Variants in CAPZB observed in about 807,000 individuals in gnomAD.
The protein encoded by CAPZB is capping actin protein of muscle Z-line subunit beta.
In CAPZB, 2 loss-of-function variants were observed where a neutral mutation model predicts 38.1. The observed-to-expected ratio is 0.05, with a 90% confidence interval of 0.02 to 0.17. The LOEUF (loss-of-function observed/expected upper bound fraction) is 0.17, where lower values mean the gene tolerates loss of function less well. Among genes scored for constraint, CAPZB ranks in the 10% least tolerant of loss-of-function variants. CAPZB has a pLI of 1.00. For synonymous variants in CAPZB, 107 were observed against 127.4 expected (o/e 0.84, Z 1.08); for missense variants, 161 against 334.2 (o/e 0.48, Z 4.04).
chr1:19,358,931 C>A (rs1052448494), intron 4 of CAPZB, among the ~76,000 whole-genome samples: 2 of 152,220 alleles, frequency 1.3e-5, no homozygotes, highest in Admixed American at 1.3e-4. Context: ...AGCTCTAGCA[C>A]GCCCAGCTAT....
At chr1:19,461,536 C>T (rs78070976) in intron 1 of CAPZB, among the ~76,000 whole-genome samples, 2,725 of 152,340 alleles carry the variant, frequency 0.018, 72 homozygotes, top group East Asian at 0.12. Flanking sequence ...CTGGCTTCCA[C>T]GCATGCTTCC....
At chr1:19,417,031 G>A (rs906999865) in intron 2 of CAPZB, among the ~76,000 whole-genome samples, 6 of 152,008 alleles carry the variant, frequency 3.9e-5, no homozygotes, top group Non-Finnish European at 8.8e-5. Flanking sequence ...TGGCTATGGC[G>A]AAAGACAGCT....
At chr1:19,364,511 C>G (rs1424787037) in intron 4 of CAPZB, among the ~76,000 whole-genome samples, 1 of 152,352 alleles carries the variant, frequency 6.6e-6, no homozygotes, top group East Asian at 1.9e-4. Context: ...ACTTCATGCC[C>G]TTTCCTTGCA....
rs571240859 is a variant in CAPZB, at chr1:19,381,266, CCCA to C, written c.216-2616_216-2614del. Among the ~76,000 whole-genome samples the C allele has an allele frequency of 5.5e-4, 83 of 151,688 alleles. No homozygotes were observed. In the East Asian group the frequency reaches 6.6e-3, roughly 12 times the overall value. On this transcript the variant is annotated intron_variant, in intron 3 of 8. Coordinates refer to ENST00000264202, the MANE Select transcript of CAPZB (RefSeq NM_004930.5). ...GCATGAATTCTTGCACCCCCGCCCC[CCCA>C]CCACAACAGAACCAACCACTCCCTC...
chr1:19,471,264 T>C (rs570899506), intron 1 of CAPZB, among the ~76,000 whole-genome samples: 26 of 152,176 alleles, frequency 1.7e-4, no homozygotes, highest in Non-Finnish European at 2.8e-4. Context: ...GGGGGATGAT[T>C]ATACTTGTTC....
intron 6 of CAPZB, among the ~76,000 whole-genome samples, chr1:19,349,314 G>A (rs1034591430): frequency 6.6e-6 from 1 of 152,108 alleles, no homozygotes; most frequent in African/African-American, 2.4e-5. Context: ...GAGTCAGCTC[G>A]GCAGGCAGGG....
chr1:19,339,438 G>T lies in CAPZB; in HGVS notation c.*92C>A, dbSNP rs142737670. On this transcript the variant is annotated 3_prime_UTR_variant, in exon 9 of 9. Coordinates refer to ENST00000264202, the MANE Select transcript of CAPZB (RefSeq NM_004930.5). ...CAGCTGTTATGTGACCTGTCGGGGA[G>T]GGAAGGGACGAGGGAAGGGAGCAGA... 6.9e-4 allele frequency: 621 copies of T among 902,170 alleles called. 1 individual carries two copies. In the African/African-American group the frequency reaches 7.8e-3, roughly 11 times the overall value. 55.9% of individuals were successfully genotyped at this position (902,170 alleles called of 1,614,324 possible). A position where few individuals can be genotyped will look rare whatever the true frequency, so the allele number is the denominator to read the frequency against.
intron 1 of CAPZB, among the ~76,000 whole-genome samples, chr1:19,448,038 G>T (rs563294721): frequency 5.9e-5 from 9 of 152,190 alleles, no homozygotes. Context: ...CCCAGGAGTG[G>T]GTGGAGCTCA....
intron 2 of CAPZB, among the ~76,000 whole-genome samples, chr1:19,416,901 A>G (rs1039754398): frequency 5.5e-5 from 8 of 146,394 alleles, no homozygotes; most frequent in African/African-American, 2.0e-4. Flanking sequence ...ATGCTCTGAC[A>G]GTAATCTATA....
chr1:19,462,742 T>C (rs956344144), intron 1 of CAPZB, among the ~76,000 whole-genome samples: 1 of 152,224 alleles, frequency 6.6e-6, no homozygotes, highest in Non-Finnish European at 1.5e-5. Context: ...AAGAATTCTT[T>C]AAAGAAAAGT....
intron 1 of CAPZB, among the ~76,000 whole-genome samples, chr1:19,471,865 CAAAAAAAAAAA>C (rs59289947): frequency 8.9e-5 from 12 of 134,464 alleles, no homozygotes; most frequent in African/African-American, 3.3e-4. Flanking sequence ...GACTCCGTCT[CAAAAAAAAAAA>C]AAAAAAAAAA....
chr1:19,365,674 AAC>A (rs1360949762), intron 4 of CAPZB, among the ~76,000 whole-genome samples: 4 of 152,244 alleles, frequency 2.6e-5, no homozygotes, highest in East Asian at 3.9e-4. Context: ...CTATTAAAAA[AAC>A]ACACAAAATT....
At chr1:19,378,687 A>G (rs751418649) in intron 3 of CAPZB, 34 bp from the exon 4 acceptor site, 6 of 1,199,504 alleles carry the variant, frequency 5.0e-6, no homozygotes, top group East Asian at 2.3e-5. Flanking sequence ...TATACCATGA[A>G]TCGTTCCATG....
chr1:19,390,692 G>A (rs370052289), intron 2 of CAPZB, among the ~76,000 whole-genome samples: 3 of 152,156 alleles, frequency 2.0e-5, no homozygotes, highest in Non-Finnish European at 4.4e-5. Context: ...AGACGGGTGG[G>A]GAGTGGGTAA....
intron 2 of CAPZB, among the ~76,000 whole-genome samples, chr1:19,414,356 A>AAACAGTT (rs2094370276): frequency 1.3e-5 from 2 of 152,196 alleles, no homozygotes; most frequent in African/African-American, 4.8e-5. Flanking sequence ...AATATGCTGA[A>AAACAGTT]AACAGTTAAC....
At chr1:19,344,317 C>A in intron 8 of CAPZB, 41 bp downstream of exon 8, 1 of 1,533,868 alleles carries the variant, frequency 6.5e-7, no homozygotes, top group Non-Finnish European at 9.0e-7. Context: ...GGTTCAAATC[C>A]CTCTGTCTGC....
chr1:19,421,394 G>C (rs1165693404), intron 1 of CAPZB, among the ~76,000 whole-genome samples: 1 of 152,086 alleles, frequency 6.6e-6, no homozygotes, highest in African/African-American at 2.4e-5. Context: ...TTTTAAAAAA[G>C]AATGAAAGAA....
intron 2 of CAPZB, among the ~76,000 whole-genome samples, chr1:19,411,437 C>T (rs945943521): frequency 3.4e-4 from 51 of 152,164 alleles, no homozygotes; most frequent in Admixed American, 1.2e-3. Flanking sequence ...ATTCAAGCCC[C>T]TTCCCCTAAT....
At chr1:19,384,453 C>T (rs1226901400) in intron 3 of CAPZB, among the ~76,000 whole-genome samples, 2 of 152,232 alleles carry the variant, frequency 1.3e-5, no homozygotes, top group Admixed American at 6.5e-5. Flanking sequence ...AGGAAGCATT[C>T]TGTTGAGTAA....
Sources: gnomAD v4.1 joint callset for allele counts (sites outside exome capture counted in the v4.1 genomes callset) on GRCh38, gnomAD v4.1.1 for gene constraint, MANE v1.5 for transcripts, NCBI Gene and HGNC (gene_info 2026-07-23, HGNC 2026-07-21) for gene names.